The following CNBD2 variants were observed in gnomAD, a reference collection of about 807,000 sequenced individuals.
CNBD2 encodes the protein cyclic nucleotide-binding domain-containing protein 2.
In CNBD2, 64 loss-of-function variants were observed where a neutral mutation model predicts 63.7. That is an observed-to-expected ratio of 1.00 (90% confidence interval 0.82 to 1.24). The LOEUF (loss-of-function observed/expected upper bound fraction) is 1.24. CNBD2 is among the 50% of genes most tolerant of loss of function. The pLI, the probability that CNBD2 is intolerant of heterozygous loss-of-function variation, is 0.00. For missense variants in CNBD2, 691 were observed against 713.5 expected (o/e 0.97, Z 0.36); for synonymous variants, 229 against 255.4 (o/e 0.90, Z 0.99).
chr20:35,969,227 C>G (rs958936215), intron 1 of CNBD2, among the ~76,000 whole-genome samples: 8 of 152,210 alleles, frequency 5.3e-5, no homozygotes. Context: ...ATTTTCTCCT[C>G]TGTAAAGTGA....
chr20:36,002,229 C>T (rs2056922468), intron 8 of CNBD2, among the ~76,000 whole-genome samples: 1 of 152,236 alleles, frequency 6.6e-6, no homozygotes, highest in Non-Finnish European at 1.5e-5. Context: ...ACCCCGTCTC[C>T]ACCAAAAAAA....
chr20:36,023,629 G>A lies in CNBD2; in HGVS notation c.1297G>A (p.Gly433Ser), dbSNP rs1235949705. 1 of 1,609,192 alleles carries A rather than the reference G, an allele frequency of 6.2e-7. No homozygotes were observed. The highest frequency in any genetic ancestry group is 1.1e-5 in the South Asian group (1 of 90,272). The change falls in exon 11 of 12, where the codon GGT becomes AGT. Residue 433 changes from glycine (G) to serine (S), a missense_variant. Coordinates refer to ENST00000373973, the MANE Select transcript of CNBD2 (RefSeq NM_001365709.1). ...LGLHQAFLPE[G>S]ECDTRPLILM... is the part of the protein sequence containing the mutation. ...TCTTCACCAGGCCTTCCTTCCAGAG[G>A]GTGAATGCGACACACGACCCTTGAT...
intron 6 of CNBD2, among the ~76,000 whole-genome samples, 160 bp downstream of exon 6, chr20:35,984,938 C>G (rs907326917): frequency 4.6e-5 from 7 of 152,068 alleles, no homozygotes; most frequent in African/African-American, 1.7e-4. Flanking sequence ...TCTGCAGACT[C>G]CTACTATCCC....
At chr20:35,973,995 A>AAGGGCTTC (rs1254524895) in intron 2 of CNBD2, 1 of 152,000 alleles carries the variant, frequency 6.6e-6, no homozygotes, top group East Asian at 1.9e-4. Flanking sequence ...AATTTCCCTA[A>AAGGGCTTC]AGGGCTTCTG....
chr20:35,995,877 A>G (rs984063613), intron 8 of CNBD2, among the ~76,000 whole-genome samples: 1 of 152,232 alleles, frequency 6.6e-6, no homozygotes, highest in Admixed American at 6.5e-5. Context: ...ACTTATAAAG[A>G]AAAGAAATTT....
At chr20:36,024,551 C>T (rs568504410) in intron 11 of CNBD2, among the ~76,000 whole-genome samples, 1 of 152,070 alleles carries the variant, frequency 6.6e-6, no homozygotes, top group South Asian at 2.1e-4. Context: ...ATCACTTGAA[C>T]CTGGGAGGCA....
At chr20:35,995,227 C>A in intron 8 of CNBD2, 75 bp downstream of exon 8, 1 of 980,348 alleles carries the variant, frequency 1.0e-6, no homozygotes, top group South Asian at 1.4e-5. Flanking sequence ...CACATAGAGC[C>A]TTAGAAATCT....
chr20:36,003,616 C>T (rs2056945743), intron 8 of CNBD2, among the ~76,000 whole-genome samples: 1 of 152,086 alleles, frequency 6.6e-6, no homozygotes, highest in Non-Finnish European at 1.5e-5. Flanking sequence ...GATGATTTAT[C>T]CCTCTAATCA....
At chr20:35,983,937 G>GC (rs1568871577) in intron 4 of CNBD2, 45 bp from the exon 5 acceptor site, 1 of 1,612,322 alleles carries the variant, frequency 6.2e-7, no homozygotes, top group Non-Finnish European at 8.5e-7. Context: ...GCTTGGACCT[G>GC]CCCCCATGTC....
chr20:36,002,992 T>C (rs1339180930), intron 8 of CNBD2, among the ~76,000 whole-genome samples: 3 of 152,136 alleles, frequency 2.0e-5, no homozygotes, highest in African/African-American at 4.8e-5. Flanking sequence ...CTTTTTTTTT[T>C]CCTCTGTGAC....
chr20:36,000,803 G>A lies in CNBD2; in HGVS notation c.970+5651G>A, dbSNP rs570611756. Among the ~76,000 whole-genome samples the A allele has an allele frequency of 3.3e-5, 5 of 150,804 alleles. No homozygotes were observed. The South Asian group carries it at 8.5e-4, about 26-fold the overall frequency. On this transcript the variant is annotated intron_variant, in intron 8 of 11. Coordinates refer to ENST00000373973, the MANE Select transcript of CNBD2 (RefSeq NM_001365709.1). ...ATTCTTGGGTGTTTCTCGCAGAGGG[G>A]GATTTGGCAGGGTCATAGGACAATA... is the stretch of plus-strand genomic sequence containing the variant.
downstream of CNBD2, chr20:35,957,695 A>T (rs1438168652): frequency 6.6e-6 from 1 of 152,204 alleles, no homozygotes; most frequent in Admixed American, 6.5e-5. Flanking sequence ...ATATACATTT[A>T]TATTTCATTC....
chr20:36,030,608 T>C lies in CNBD2; in HGVS notation c.1691T>C (p.Ile564Thr). The C allele has an allele frequency of 6.2e-7, 1 of 1,614,164 alleles. No homozygotes were observed. Among genetic ancestry groups the C allele is most frequent in the Non-Finnish European group, 8.5e-7 (1 of 1,180,022 alleles). The change falls in exon 12 of 12, where the codon ATC (isoleucine) becomes ACC (threonine). Residue 564 changes from isoleucine (I) to threonine (T), a missense_variant. Coordinates refer to ENST00000373973, the MANE Select transcript of CNBD2 (RefSeq NM_001365709.1). ...YLPPLRIVQA[I>T]KAPRYKIREL... ...CCCCCATTGAGGATTGTCCAAGCCA[T>C]CAAAGCACCTCGGTACAAAATCCGA... is the stretch of plus-strand genomic sequence containing the variant.
Position 36,009,788 on chromosome 20 carries a change from C to T in CNBD2, c.1148+1314C>T, listed in dbSNP as rs917320289. On this transcript the variant is annotated intron_variant, in intron 9 of 11. Coordinates refer to ENST00000373973, the MANE Select transcript of CNBD2 (RefSeq NM_001365709.1). ...CGGAGGTTGCAGTGAGCTGAGATCA[C>T]GCCACTGTACTTCAGCCTGTGCAAC... is the stretch of plus-strand genomic sequence containing the variant. 6.7e-4 allele frequency among the ~76,000 whole-genome samples: 102 copies of T among 152,222 alleles called. 1 individual carries two copies. The highest frequency in any genetic ancestry group is 2.2e-3 in the African/African-American group (92 of 41,558).
At chr20:36,029,941 G>A (rs1385510352) in intron 11 of CNBD2, among the ~76,000 whole-genome samples, 17 of 152,166 alleles carry the variant, frequency 1.1e-4, no homozygotes, top group Admixed American at 1.1e-3. Context: ...TCTACCTCCT[G>A]TCTCTACAGA....
intron 10 of CNBD2, 138 bp from the exon 11 acceptor site, chr20:36,023,464 A>G: frequency 1.5e-6 from 1 of 685,840 alleles, no homozygotes; most frequent in East Asian, 3.0e-5. Flanking sequence ...GTGAGCTGAG[A>G]TTTGGGCCAT....
upstream of CNBD2, among the ~76,000 whole-genome samples, chr20:35,967,908 G>A (rs1568845238): frequency 6.6e-6 from 1 of 152,158 alleles, no homozygotes; most frequent in Non-Finnish European, 1.5e-5. Context: ...TTGAGACTTA[G>A]CTTAGGAGAG....
At chr20:36,029,186 A>G (rs1394598879) in intron 11 of CNBD2, among the ~76,000 whole-genome samples, 1 of 152,170 alleles carries the variant, frequency 6.6e-6, no homozygotes, top group Admixed American at 6.5e-5. Context: ...TTATCCCCTA[A>G]GAATTAGTCA....
chr20:35,961,124 T>A (rs922541761), intron 2 of CNBD2, among the ~76,000 whole-genome samples: 15 of 152,016 alleles, frequency 9.9e-5, no homozygotes, highest in Non-Finnish European at 1.9e-4. Flanking sequence ...AGAGACAGAT[T>A]TTCACCATGT....
Sources: allele counts gnomAD v4.1 joint callset (sites outside exome capture counted in the v4.1 genomes callset), GRCh38; gene constraint gnomAD v4.1.1; transcripts MANE v1.5; gene names NCBI Gene and HGNC (gene_info 2026-07-23, HGNC 2026-07-21).